Variants in MCFD2 observed in about 807,000 individuals in gnomAD.
The protein encoded by MCFD2 is multiple coagulation factor deficiency protein 2.
Under a neutral mutation model 12.8 loss-of-function variants are expected in MCFD2, and 11 were observed. The ratio of observed to expected loss-of-function variants is 0.86; its 90% CI spans 0.54 to 1.42. The LOEUF (loss-of-function observed/expected upper bound fraction) is 1.42, where lower values mean the gene tolerates loss of function less well. Ranked by LOEUF, MCFD2 falls within the 40% of genes most tolerant of loss-of-function variation. MCFD2 has a pLI of 0.00. For missense variants in MCFD2, 191 were observed against 178.6 expected, an observed-to-expected ratio of 1.07 and a Z score of -0.40; for synonymous variants, 70 against 68.1, an observed-to-expected ratio of 1.03 and a Z score of -0.14.
chr2:46,937,089 C>G lies in MCFD2; in HGVS notation c.-8+4483G>C, dbSNP rs1172283440. 1.3e-5 allele frequency among the ~76,000 whole-genome samples: 2 copies of G among 152,120 alleles called. No homozygotes were observed. Among genetic ancestry groups the G allele is most frequent in the African/African-American group, 4.8e-5 (2 of 41,422 alleles). On this transcript the variant is annotated intron_variant, in intron 1 of 2. Transcript: ENST00000409147. The surrounding 1 kb of genome is among the most constrained non-coding windows in gnomAD (Gnocchi z 4.0). ...CAGGCTCGTCTCGAACTCCTGAGCT[C>G]AAGTGATCTGCCCACCTTGGCCTCC... is the stretch of plus-strand genomic sequence containing the variant.
At chr2:46,915,294 CAG>C (rs1490114428) in intron 1 of MCFD2, among the ~76,000 whole-genome samples, 9 of 152,182 alleles carry the variant, frequency 5.9e-5, no homozygotes, top group African/African-American at 2.2e-4. Flanking sequence ...TGGCCATGCC[CAG>C]AGAGGGAATA....
In MCFD2 at chr2:46,902,458, T is replaced by C. The variant is rs1668051850; in HGVS notation, c.*3005A>G. The C allele has an allele frequency of 6.6e-6, 1 of 152,460 alleles. No homozygotes were observed. 9.4% of individuals were successfully genotyped at this position (152,460 alleles called of 1,614,324 possible). ...TAAAAAACCCTAGAAACGAGTGAAA[T>C]AGAAAAGAAAGCTAAACCACTATTG... On this transcript the variant is annotated 3_prime_UTR_variant, in exon 4 of 4. Coordinates refer to ENST00000319466, the MANE Select transcript of MCFD2 (RefSeq NM_139279.6).
upstream of MCFD2, chr2:46,917,162 A>T (rs966112575): frequency 1.2e-5 from 8 of 695,128 alleles, no homozygotes; most frequent in Admixed American, 4.1e-5. Context: ...ATAATCCCTA[A>T]TTTTTTTTTC....
At position 46,908,287 on chromosome 2, in the gene MCFD2, G is replaced by T. The variant is rs1225136706; in HGVS notation, c.150-318C>A. The T allele has an allele frequency of 1.4e-5, 5 of 368,938 alleles. No individual in the cohort carries two copies. Among genetic ancestry groups the T allele is most frequent in the Non-Finnish European group, 2.6e-5 (5 of 193,644 alleles). 22.9% of individuals were successfully genotyped at this position (368,938 alleles called of 1,614,324 possible). Reference sequence around the variant, plus strand: ...AACTTTTTTTTTTTTTTGAGACAGGGTCTCACTCTGCCACCCAGGCTGGAG... The same window carrying T: ...AACTTTTTTTTTTTTTTGAGACAGGTTCTCACTCTGCCACCCAGGCTGGAG... On this transcript the variant is annotated intron_variant, in intron 2 of 3. Transcript: ENST00000319466. The surrounding 1 kb of genome is among the most constrained non-coding windows in gnomAD (Gnocchi z 4.5).
Position 46,908,118 on chromosome 2 carries a change from A to T in MCFD2, c.150-149T>A. 1.2e-6 allele frequency: 1 copy of T among 819,766 alleles called. No homozygotes were observed. Among genetic ancestry groups the T allele is most frequent in the Non-Finnish European group, 2.0e-6 (1 of 495,548 alleles). 50.8% of individuals were successfully genotyped at this position (819,766 alleles called of 1,614,324 possible). ...GGCAGACCACACTCAAGGATTACACAGAGATAGACAAGGCCTTGAGAGGAG... is the reference window on the plus strand; with the variant it reads ...GGCAGACCACACTCAAGGATTACACTGAGATAGACAAGGCCTTGAGAGGAG... On this transcript the variant is annotated intron_variant, in intron 2 of 3. Coordinates refer to ENST00000319466, the MANE Select transcript of MCFD2 (RefSeq NM_139279.6). The surrounding 1 kb of genome is among the most constrained non-coding windows in gnomAD (Gnocchi z 4.5).
At chr2:46,910,390 C>T (rs1249531847) in intron 1 of MCFD2, among the ~76,000 whole-genome samples, 1 of 152,166 alleles carries the variant, frequency 6.6e-6, no homozygotes, top group Non-Finnish European at 1.5e-5. Context: ...CACTTCCCAA[C>T]AGGCAAAACA....
At chr2:46,917,078 C>T (rs1410972469), upstream of MCFD2, 7 of 673,998 alleles carry the variant, frequency 1.0e-5, no homozygotes, top group Non-Finnish European at 1.9e-5. Flanking sequence ...ACGCCACTGC[C>T]ATTGACGGTC....
chr2:46,921,136 G>A (rs982060114), intron 1 of MCFD2, among the ~76,000 whole-genome samples: 3 of 152,130 alleles, frequency 2.0e-5, no homozygotes, highest in Non-Finnish European at 4.4e-5. Context: ...CAACACTATT[G>A]AAAGTGCTTT....
chr2:46,925,039 A>T (rs1179985754), intron 1 of MCFD2, among the ~76,000 whole-genome samples: 1 of 152,250 alleles, frequency 6.6e-6, no homozygotes, highest in Non-Finnish European at 1.5e-5. Context: ...GCCTTTAGGG[A>T]TATGGGCTGC....
chr2:46,902,387 C>T lies in MCFD2; in HGVS notation c.*3076G>A, dbSNP rs1668048571. The T allele has an allele frequency of 6.6e-6, 1 of 152,548 alleles. No homozygotes were observed. The highest frequency in any genetic ancestry group is 6.5e-5 in the Admixed American group (1 of 15,270). 9.4% of individuals were successfully genotyped at this position (152,548 alleles called of 1,614,324 possible). ...GGCTAGGCCAGGTGGTAGTTTTACC[C>T]CTGCTGATAAAGTCCTGACATTCCT... is the stretch of plus-strand genomic sequence containing the variant. On this transcript the variant is annotated 3_prime_UTR_variant, in exon 4 of 4. Coordinates refer to ENST00000319466, the MANE Select transcript of MCFD2 (RefSeq NM_139279.6).
Position 46,907,713 on chromosome 2 carries a change from G to T in MCFD2, c.309+97C>A. 1 of 1,328,272 alleles carries T rather than the reference G, an allele frequency of 7.5e-7. No individual in the cohort carries two copies. The highest frequency in any genetic ancestry group is 1.1e-6 in the Non-Finnish European group (1 of 930,448). The allele number at this position is 1,328,272 out of a possible 1,614,324, so 82.3% of individuals were successfully genotyped here. A position where few individuals can be genotyped will look rare whatever the true frequency, so the allele number is the denominator to read the frequency against. On this transcript the variant is annotated intron_variant, in intron 3 of 3. Transcript: ENST00000319466. This position sits in a 1 kb window ranked among gnomAD's most constrained non-coding sequence, Gnocchi z 4.1. ...TGCCCAGTGGAGAAGCAGCACTCTT[G>T]GCACATAAGGACAACACAAGTCAAC...
Position 46,907,905 on chromosome 2 carries a change from A to T in MCFD2, c.214T>A (p.Leu72Met). 1 of 1,614,216 alleles carries T rather than the reference A, an allele frequency of 6.2e-7. No individual in the cohort carries two copies. Among genetic ancestry groups the T allele is most frequent in the South Asian group, 1.1e-5 (1 of 91,084 alleles). Residue 72 changes from leucine (L) to methionine (M), a missense_variant, in exon 3 of 4, where the codon TTG (leucine) becomes ATG (methionine). By Grantham distance (15) the Leu-to-Met change is conservative. Coordinates refer to ENST00000319466, the MANE Select transcript of MCFD2 (RefSeq NM_139279.6). This position sits in a 1 kb window ranked among gnomAD's most constrained non-coding sequence, Gnocchi z 4.1. Reference protein sequence around the residue: ...KPEAEMSPQELQLHYFKMHDY... With the variant: ...KPEAEMSPQEMQLHYFKMHDY... ...TGCATTTTGAAGTAATGGAGCTGCAATTCTTGTGGCGACATCTCCGCCTCT... is the reference window on the plus strand; with the variant it reads ...TGCATTTTGAAGTAATGGAGCTGCATTTCTTGTGGCGACATCTCCGCCTCT...
chr2:46,920,884 G>A (rs1447853795), intron 1 of MCFD2, among the ~76,000 whole-genome samples: 2 of 150,988 alleles, frequency 1.3e-5, no homozygotes, highest in Non-Finnish European at 1.5e-5. Flanking sequence ...ATTTTCCTTC[G>A]GTACTTAAAG....
rs149087724 is a variant in MCFD2 at position 46,934,415 on chromosome 2, C to T, written c.-8+7157G>A. ...CTGGTATTATAGATGCATGCCACCA[C>T]GCCCAGCTAATTTTTGTATTTTTAG... On this transcript the variant is annotated intron_variant, in intron 1 of 2. Coordinates refer to the MCFD2 transcript ENST00000409147. Among the ~76,000 whole-genome samples the T allele has an allele frequency of 5.2e-3, 792 of 152,268 alleles. 6 individuals are homozygous for T. The highest frequency in any genetic ancestry group is 0.018 in the African/African-American group (758 of 41,548).
intron 1 of MCFD2, among the ~76,000 whole-genome samples, chr2:46,933,974 T>A (rs1236831597): frequency 6.6e-6 from 1 of 152,172 alleles, no homozygotes; most frequent in African/African-American, 2.4e-5. Context: ...GGTGCTCTAC[T>A]TCTGATGGCT....
chr2:46,923,680 C>G (rs1053326724), intron 1 of MCFD2, among the ~76,000 whole-genome samples: 13 of 152,082 alleles, frequency 8.5e-5, no homozygotes, highest in African/African-American at 2.9e-4. Context: ...TCGCTCAAGT[C>G]CAGGAGTTTG....
chr2:46,933,984 TGGGA>T (rs1669840751), intron 1 of MCFD2, among the ~76,000 whole-genome samples: 1 of 152,186 alleles, frequency 6.6e-6, no homozygotes, highest in Non-Finnish European at 1.5e-5. Flanking sequence ...TTCTGATGGC[TGGGA>T]GCACTTGGTG....
chr2:46,927,882 G>GTT, intron 1 of MCFD2, among the ~76,000 whole-genome samples: 1 of 123,250 alleles, frequency 8.1e-6, no homozygotes, highest in Non-Finnish European at 1.7e-5. Context: ...GGTTTTTTTG[G>GTT]TGTTTTTTTT....
At position 46,937,126 on chromosome 2, in the gene MCFD2, G is replaced by A. The variant is rs1670019294; in HGVS notation, c.-8+4446C>T. 6.6e-6 allele frequency among the ~76,000 whole-genome samples: 1 copy of A among 152,066 alleles called. No homozygotes were observed. Among genetic ancestry groups the A allele is most frequent in the Non-Finnish European group, 1.5e-5 (1 of 68,022 alleles). ...CCACCTTGGCCTCCCAAAGTGCTAG[G>A]ATTACAGGAGTGAGCCACCATGCCC... On this transcript the variant is annotated intron_variant, in intron 1 of 2. Transcript: ENST00000409147. This position sits in a 1 kb window ranked among gnomAD's most constrained non-coding sequence, Gnocchi z 4.0.
Sources: allele counts gnomAD v4.1 joint callset (sites outside exome capture counted in the v4.1 genomes callset), GRCh38; gene constraint gnomAD v4.1.1; non-coding constraint Gnocchi (gnomAD v3.1); transcripts MANE v1.5; gene names NCBI Gene and HGNC (gene_info 2026-07-23, HGNC 2026-07-21).